KNOP1: variants seen among roughly 807,000 people sequenced by gnomAD.
KNOP1 encodes lysine-rich nucleolar protein 1.
KNOP1 carries 20 observed loss-of-function variants against 30.6 expected under a neutral mutation model. The observed-to-expected ratio is 0.65, with a 90% CI of 0.46 to 0.95. The LOEUF is 0.95. KNOP1 is among the 40% of genes least tolerant of loss of function. KNOP1 has a pLI of 0.00. For missense variants in KNOP1, 540 were observed against 562.0 expected, an observed-to-expected ratio of 0.96 and a Z score of 0.40; for synonymous variants, 204 against 210.0, an observed-to-expected ratio of 0.97 and a Z score of 0.25.
Position 19,704,433 on chromosome 16 carries a change from C to T in KNOP1, c.*2477G>A, listed in dbSNP as rs1469160838. On this transcript the variant is annotated 3_prime_UTR_variant, in exon 5 of 5. Coordinates refer to ENST00000219837, the MANE Select transcript of KNOP1 (RefSeq NM_001012991.3). ...TAAGGCAGGCCAACGTCAGGGTGAC[C>T]TCTTGGCAAGATAAAAACTATGAGT... is the stretch of plus-strand genomic sequence containing the variant. The T allele has an allele frequency of 2.0e-5, 3 of 152,092 alleles. No individual in the cohort carries two copies. Among genetic ancestry groups the T allele is most frequent in the African/African-American group, 7.2e-5 (3 of 41,390 alleles). The allele number at this position is 152,092 out of a possible 1,614,324, so 9.4% of individuals were successfully genotyped here.
In KNOP1 at chr16:19,718,207, C is replaced by G; in HGVS notation, c.-52G>C. On this transcript the variant is annotated 5_prime_UTR_variant, in exon 1 of 5. Coordinates refer to ENST00000219837, the MANE Select transcript of KNOP1 (RefSeq NM_001012991.3). ...CACGTGAGAGCCAGCTCCGCCGTGA[C>G]CCGGAAGTCCACTTCGAGTCGCCGG... 6.6e-7 allele frequency: 1 copy of G among 1,522,852 alleles called. No individual in the cohort carries two copies. The highest frequency in any genetic ancestry group is 8.8e-7 in the Non-Finnish European group (1 of 1,138,586). 94.3% of individuals were successfully genotyped at this position (1,522,852 alleles called of 1,614,324 possible).
intron 4 of KNOP1, 83 bp from the exon 5 acceptor site, chr16:19,707,304 G>T: frequency 3.5e-6 from 4 of 1,145,618 alleles, no homozygotes; most frequent in South Asian, 1.3e-5. Flanking sequence ...ATCAGGGAGG[G>T]CCCAGCAGAT....
chr16:19,707,211 A>C lies in KNOP1; in HGVS notation c.1076T>G (p.Phe359Cys), dbSNP rs557299469. ...AAAACCAGCAGTATCCCACTGGCCA[A>C]ACTGGGTTCCCTGTGAGGAGAGGAA... The part of the protein sequence containing the change: ...SETRKWTGTQ[F>C]GQWDTAGFEN... Residue 359 changes from phenylalanine (F) to cysteine (C), a missense_variant, in exon 5 of 5, where the codon TTT becomes TGT. Phe to Cys is a radical substitution (Grantham distance 205, BLOSUM62 -2). Transcript: ENST00000219837. 6.2e-7 allele frequency: 1 copy of C among 1,612,310 alleles called. No homozygotes were observed. The highest frequency in any genetic ancestry group is 8.5e-7 in the Non-Finnish European group (1 of 1,179,852).
chr16:19,707,885 TCCC>T (rs201524066), intron 4 of KNOP1, among the ~76,000 whole-genome samples: 1 of 4,178 alleles, frequency 2.4e-4, no homozygotes, highest in Non-Finnish European at 4.5e-4. Flanking sequence ...CACATCGCAC[TCCC>T]CCCACCTCCC....
In KNOP1 at chr16:19,705,758, T is replaced by C. The variant is rs115304908; in HGVS notation, c.*1152A>G. On this transcript the variant is annotated 3_prime_UTR_variant, in exon 5 of 5. Coordinates refer to ENST00000219837, the MANE Select transcript of KNOP1 (RefSeq NM_001012991.3). Reference sequence around the variant, plus strand: ...AATTTTAAACACTAGCTGGTTGTTGTGGTGCACACCCACAGTCCCAGCTAC... The same window carrying C: ...AATTTTAAACACTAGCTGGTTGTTGCGGTGCACACCCACAGTCCCAGCTAC... The C allele has an allele frequency of 8.2e-3, 1,288 of 156,376 alleles. 18 individuals carry two copies. Among genetic ancestry groups the C allele is most frequent in the African/African-American group, 0.029 (1,187 of 41,632 alleles). 9.7% of individuals were successfully genotyped at this position (156,376 alleles called of 1,614,324 possible).
intron 4 of KNOP1, among the ~76,000 whole-genome samples, chr16:19,709,541 C>A (rs1976596320): frequency 6.6e-6 from 1 of 152,370 alleles, no homozygotes; most frequent in South Asian, 2.1e-4. Flanking sequence ...CAGGCCAGCT[C>A]TCTATCATGG....
intron 4 of KNOP1, among the ~76,000 whole-genome samples, chr16:19,708,518 C>T (rs8044413): frequency 0.099 from 15,093 of 152,084 alleles, 864 homozygotes; most frequent in Non-Finnish European, 0.13. Flanking sequence ...GTGAGACATA[C>T]GTCAGATTTG....
chr16:19,718,227 C>G lies in KNOP1; in HGVS notation c.-72G>C, dbSNP rs919512777. 1,150 of 1,537,472 alleles carry G rather than the reference C, an allele frequency of 7.5e-4. 1 individual carries two copies. Among genetic ancestry groups the G allele is most frequent in the Non-Finnish European group, 9.7e-4 (1,106 of 1,144,084 alleles). ...CGTGACCCGGAAGTCCACTTCGAGT[C>G]GCCGGCCCACCCTCTCGGGTTCCGG... On this transcript the variant is annotated 5_prime_UTR_variant, in exon 1 of 5. Transcript: ENST00000219837.
intron 4 of KNOP1, among the ~76,000 whole-genome samples, chr16:19,707,760 C>T (rs1279879045): frequency 2.3e-5 from 3 of 130,942 alleles, no homozygotes; most frequent in Admixed American, 1.5e-4. Flanking sequence ...CCTCCCTACA[C>T]GGCGCACATG....
intron 1 of KNOP1, among the ~76,000 whole-genome samples, chr16:19,715,797 C>T (rs1977026488): frequency 6.6e-6 from 1 of 152,118 alleles, no homozygotes; most frequent in Non-Finnish European, 1.5e-5. Flanking sequence ...ACTGAGGGCA[C>T]CCAGCTTGTC....
intron 3 of KNOP1, 93 bp from the exon 4 acceptor site, chr16:19,710,679 C>G (rs966779424): frequency 2.0e-6 from 2 of 1,003,120 alleles, no homozygotes; most frequent in Non-Finnish European, 3.1e-6. Context: ...GGGAACGGAA[C>G]GTGGGAGGAA....
Position 19,714,881 on chromosome 16 carries a change from C to T in KNOP1, c.155G>A (p.Ser52Asn), listed in dbSNP as rs2151655526. 2.5e-6 allele frequency: 4 copies of T among 1,613,878 alleles called. No homozygotes were observed. The highest frequency in any genetic ancestry group is 2.2e-5 in the East Asian group (1 of 44,880). The change falls in exon 2 of 5, where the codon AGT (serine) becomes AAT (asparagine). Residue 52 changes from serine to asparagine, a missense_variant. Ser to Asn is a conservative substitution (Grantham distance 46, BLOSUM62 1). Transcript: ENST00000219837. The part of the protein sequence containing the change: ...SPLRATSPSK[S>N]VAHGQAPEMP... ...CTCAGGTGCCTGCCCATGGGCCACA[C>T]TCTTAGAGGGGGATGTAGCTCTTAA...
rs996377510 is a variant in KNOP1, at chr16:19,703,520, T to C, written c.*3390A>G. 1.3e-5 allele frequency: 2 copies of C among 152,134 alleles called. No homozygotes were observed. Among genetic ancestry groups the C allele is most frequent in the Non-Finnish European group, 1.5e-5 (1 of 68,030 alleles). 9.4% of individuals were successfully genotyped at this position (152,134 alleles called of 1,614,324 possible). ...GAGGAGATGTGGTAGGAAGGGGTGTTATTCTGCCAACTTCTTTTGTGAGGA... is the reference window on the plus strand; with the variant it reads ...GAGGAGATGTGGTAGGAAGGGGTGTCATTCTGCCAACTTCTTTTGTGAGGA... On this transcript the variant is annotated 3_prime_UTR_variant, in exon 5 of 5. Coordinates refer to ENST00000219837, the MANE Select transcript of KNOP1 (RefSeq NM_001012991.3).
Position 19,717,697 on chromosome 16 carries a change from AC to A in KNOP1, c.-3+460del, listed in dbSNP as rs566181937. The A allele has an allele frequency of 9.3e-4, 915 of 986,234 alleles. 1 individual carries two copies. The highest frequency in any genetic ancestry group is 1.1e-3 in the Non-Finnish European group (888 of 830,540). The allele number at this position is 986,234 out of a possible 1,614,324, so 61.1% of individuals were successfully genotyped here. On this transcript the variant is annotated intron_variant, in intron 1 of 4. Coordinates refer to ENST00000219837, the MANE Select transcript of KNOP1 (RefSeq NM_001012991.3). ...CCAAAACCGCTTTTAAATTCCAGGGACAGCCTTGTGAAGATCTTTGTGAATA... is the reference window on the plus strand; with the variant it reads ...CCAAAACCGCTTTTAAATTCCAGGGAAGCCTTGTGAAGATCTTTGTGAATA...
chr16:19,711,320 C>A (rs1366829088), intron 3 of KNOP1, 52 bp downstream of exon 3: 5 of 1,579,916 alleles, frequency 3.2e-6, no homozygotes, highest in Non-Finnish European at 4.3e-6. Flanking sequence ...AAGTGAGACT[C>A]CAAGGGTGGC....
rs759389493 is a variant in KNOP1 at position 19,714,448 on chromosome 16, C to T, written c.588G>A (p.Leu196=). 33 of 1,613,396 alleles carry T rather than the reference C, an allele frequency of 2.0e-5. No homozygotes were observed. The Admixed American group carries it at 2.5e-4, about 12-fold the overall frequency. ...VGKKDEEQAA[L]GQKRKRKSPR... is the part of the protein sequence containing the mutation. ...GGCTCTTCCGCTTCCGTTTCTGCCC[C>T]AAGGCTGCCTGTTCCTCATCCTTCT... The change falls in exon 2 of 5, where the codon TTG becomes TTA. Residue 196 remains leucine, a synonymous_variant. Transcript: ENST00000219837.
At chr16:19,715,281 C>T (rs908736472) in intron 1 of KNOP1, 18 of 384,036 alleles carry the variant, frequency 4.7e-5, no homozygotes, top group Admixed American at 4.2e-5. Context: ...GCTAACCTCC[C>T]TGAGCCTCAA....
chr16:19,714,118 C>T lies in KNOP1; in HGVS notation c.918G>A (p.Glu306=), dbSNP rs1976857940. ...AGTCCATTTCTGAAGGAAAAACTAC[C>T]TCCTTCCAAGGGTCTCCTGCTACCC... ...ESGVAGDPWK[E]ETDTDLEVVL... is the part of the protein sequence containing the mutation. Residue 306 remains glutamate, a splice_region_variant and synonymous_variant, in exon 2 of 5, where the codon GAG becomes GAA. Transcript: ENST00000219837. 1 of 1,602,790 alleles carries T rather than the reference C, an allele frequency of 6.2e-7. No homozygotes were observed. Among genetic ancestry groups the T allele is most frequent in the Non-Finnish European group, 8.5e-7 (1 of 1,176,936 alleles).
In KNOP1 at chr16:19,703,567, T is replaced by G. The variant is rs879774027; in HGVS notation, c.*3343A>C. 10 of 152,100 alleles carry G rather than the reference T, an allele frequency of 6.6e-5. No homozygotes were observed. The highest frequency in any genetic ancestry group is 8.8e-5 in the Non-Finnish European group (6 of 68,042). The allele number at this position is 152,100 out of a possible 1,614,324, so 9.4% of individuals were successfully genotyped here. ...AGGACTGTGTCTATTTGGCAAATTTTTTTTTTTTTTTGGAATGGGGTCTTG... is the reference window on the plus strand; with the variant it reads ...AGGACTGTGTCTATTTGGCAAATTTGTTTTTTTTTTTGGAATGGGGTCTTG... On this transcript the variant is annotated 3_prime_UTR_variant, in exon 5 of 5. Coordinates refer to ENST00000219837, the MANE Select transcript of KNOP1 (RefSeq NM_001012991.3).
Sources: gnomAD v4.1 joint callset for allele counts (sites outside exome capture counted in the v4.1 genomes callset) on GRCh38, gnomAD v4.1.1 for gene constraint, MANE v1.5 for transcripts, NCBI Gene and HGNC (gene_info 2026-07-23, HGNC 2026-07-21) for gene names.